The following UBQLN2 variants were observed in gnomAD, a reference collection of about 807,000 sequenced individuals.
The protein encoded by UBQLN2 is ubiquilin 2, also known as ubiquilin-2.
A neutral mutation model predicts 22.2 loss-of-function variants in UBQLN2; 2 were observed. The ratio of observed to expected loss-of-function variants is 0.09; its 90% CI spans 0.04 to 0.28. The LOEUF is 0.28. Among genes scored for constraint, UBQLN2 ranks in the 10% least tolerant of loss-of-function variants. UBQLN2 has a pLI of 1.00. For missense variants in UBQLN2, 446 were observed against 505.1 expected, an observed-to-expected ratio of 0.88 and a Z score of 1.12; for synonymous variants, 252 against 206.7, an observed-to-expected ratio of 1.22 and a Z score of -1.88.
At position 56,565,360 on chromosome X, in the gene UBQLN2, C is replaced by A; in HGVS notation, c.1487C>A (p.Thr496Asn). 1 of 1,204,728 alleles carries A rather than the reference C, an allele frequency of 8.3e-7. No individual in the cohort carries two copies. The highest frequency in any genetic ancestry group is 1.1e-6 in the Non-Finnish European group (1 of 891,657). The change falls in exon 1 of 1, where the codon ACC becomes AAC. Residue 496 changes from threonine to asparagine, a missense_variant. Physicochemically the swap from Thr to Asn is moderately conservative, Grantham distance 65. Transcript: ENST00000338222. ...GCTATAGGCCCTGTAGGCCCAGTCACCCCCATAGGCCCCATAGGCCCTATA... is the reference window on the plus strand; with the variant it reads ...GCTATAGGCCCTGTAGGCCCAGTCAACCCCATAGGCCCCATAGGCCCTATA... ...GTAIGPVGPVTPIGPIGPIVP... is the reference protein window; with the variant it reads ...GTAIGPVGPVNPIGPIGPIVP...
At position 56,564,248 on chromosome X, in the gene UBQLN2, G is replaced by A; in HGVS notation, c.375G>A (p.Ser125=). ...ATGCCGCGGGAACTAACACTACCTCGGCGTCGACTCCCAGGAGTAACTCCA... is the reference window on the plus strand; with the variant it reads ...ATGCCGCGGGAACTAACACTACCTCAGCGTCGACTCCCAGGAGTAACTCCA... ...PSNAAGTNTT[S]ASTPRSNSTP... The change falls in exon 1 of 1, where the codon TCG becomes TCA. Residue 125 remains serine, a synonymous_variant. Transcript: ENST00000338222. The A allele has an allele frequency of 2.5e-6, 3 of 1,211,081 alleles. No individual in the cohort carries two copies. Among genetic ancestry groups the A allele is most frequent in the Non-Finnish European group, 2.2e-6 (2 of 895,322 alleles).
Position 56,564,421 on chromosome X carries a change from T to A in UBQLN2, c.548T>A (p.Ile183Asn). Residue 183 changes from isoleucine to asparagine, a missense_variant, in exon 1 of 1, where the codon ATC becomes AAC. Ile to Asn is a moderately radical substitution (Grantham distance 149). Around this residue, in one of 3 missense-constraint regions of UBQLN2, gnomAD observed 129 missense variants for 198.1 expected, o/e 0.65. Transcript: ENST00000338222. The part of the protein sequence containing the change: ...QQLMASPEMM[I>N]QIMENPFVQS... ...CTTATGGCCAGCCCTGAGATGATGATCCAAATAATGGAAAATCCCTTTGTT... is the reference window on the plus strand; with the variant it reads ...CTTATGGCCAGCCCTGAGATGATGAACCAAATAATGGAAAATCCCTTTGTT... 8.3e-7 allele frequency: 1 copy of A among 1,211,477 alleles called. No individual in the cohort carries two copies. Among genetic ancestry groups the A allele is most frequent in the East Asian group, 3.0e-5 (1 of 33,810 alleles).
At position 56,565,128 on chromosome X, in the gene UBQLN2, A is replaced by G. The variant is rs896077077; in HGVS notation, c.1255A>G (p.Asn419Asp). 1.5e-5 allele frequency: 18 copies of G among 1,210,700 alleles called. No individual in the cohort carries two copies. The highest frequency in any genetic ancestry group is 1.9e-5 in the Non-Finnish European group (17 of 895,314). Residue 419 changes from asparagine to aspartate, a missense_variant, in exon 1 of 1, where the codon AAT becomes GAT. Coordinates refer to ENST00000338222, the MANE Select transcript of UBQLN2 (RefSeq NM_013444.4). ...MMLNSPLFTA[N>D]PQLQEQMRPQ... ...GCTGAATAGCCCGCTGTTTACTGCA[A>G]ATCCTCAGCTGCAGGAGCAGATGCG...
chrX:56,563,633 C>T lies in UBQLN2; in HGVS notation c.-241C>T. On this transcript the variant is annotated 5_prime_UTR_variant, in exon 1 of 1. Transcript: ENST00000338222. Reference sequence around the variant, plus strand: ...GAGTGCGCGCGGTCGGATCACAAGGCGGCGGCGGAGGAGGCCCAGAGACCG... The same window carrying T: ...GAGTGCGCGCGGTCGGATCACAAGGTGGCGGCGGAGGAGGCCCAGAGACCG... The T allele has an allele frequency of 3.0e-6, 1 of 334,665 alleles. No individual in the cohort carries two copies. The highest frequency in any genetic ancestry group is 2.7e-5 in the African/African-American group (1 of 36,859). 27.6% of individuals were successfully genotyped at this position (334,665 alleles called of 1,213,427 possible).
Position 56,565,923 on chromosome X carries a change from C to G in UBQLN2, c.*175C>G. The G allele has an allele frequency of 2.0e-6, 1 of 493,190 alleles. No homozygotes were observed. Among genetic ancestry groups the G allele is most frequent in the Non-Finnish European group, 3.5e-6 (1 of 286,175 alleles). 40.6% of individuals were successfully genotyped at this position (493,190 alleles called of 1,213,427 possible). A position where few individuals can be genotyped will look rare whatever the true frequency, so the allele number is the denominator to read the frequency against. ...GAGTCCCTCCCTCCTACTTCCCTCA[C>G]TCCCTTTCTCCTTTGCTTATTTTTC... On this transcript the variant is annotated 3_prime_UTR_variant, in exon 1 of 1. Transcript: ENST00000338222.
chrX:56,565,493 C>T lies in UBQLN2; in HGVS notation c.1620C>T (p.Ser540=), dbSNP rs752843186. The change falls in exon 1 of 1, where the codon AGC becomes AGT. Residue 540 remains serine (S), a synonymous_variant. Coordinates refer to ENST00000338222, the MANE Select transcript of UBQLN2 (RefSeq NM_013444.4). Reference sequence around the variant, plus strand: ...GCCCCACGGGGCCTACTGTGTCCAGCGCTGCACCTAGTGAAACCACGAGTC... The same window carrying T: ...GCCCCACGGGGCCTACTGTGTCCAGTGCTGCACCTAGTGAAACCACGAGTC... The part of the protein sequence containing the change: ...SGGPTGPTVS[S]AAPSETTSPT... 3.3e-6 allele frequency: 4 copies of T among 1,204,747 alleles called. No homozygotes were observed. The East Asian group carries it at 9.0e-5, about 27-fold the overall frequency.
rs1413346093 is a variant in UBQLN2, at chrX:56,563,630, A to AGGC, written c.-235_-233dup. The AGGC allele has an allele frequency of 3.0e-6, 1 of 334,494 alleles. No homozygotes were observed. The highest frequency in any genetic ancestry group is 5.1e-6 in the Non-Finnish European group (1 of 194,939). The allele number at this position is 334,494 out of a possible 1,213,427, so 27.6% of individuals were successfully genotyped here. A position where few individuals can be genotyped will look rare whatever the true frequency, so the allele number is the denominator to read the frequency against. On this transcript the variant is annotated 5_prime_UTR_variant, in exon 1 of 1. Coordinates refer to ENST00000338222, the MANE Select transcript of UBQLN2 (RefSeq NM_013444.4). ...TGGGAGTGCGCGCGGTCGGATCACA[A>AGGC]GGCGGCGGCGGAGGAGGCCCAGAGA... is the stretch of plus-strand genomic sequence containing the variant.
Position 56,563,779 on chromosome X carries a change from C to G in UBQLN2, c.-95C>G. Reference sequence around the variant, plus strand: ...CGCTCCCCGCCTGACCCGGCCCAGCCCGCTGCGGCGGTGCCTCCTTCCTTC... The same window carrying G: ...CGCTCCCCGCCTGACCCGGCCCAGCGCGCTGCGGCGGTGCCTCCTTCCTTC... On this transcript the variant is annotated 5_prime_UTR_variant, in exon 1 of 1. Coordinates refer to ENST00000338222, the MANE Select transcript of UBQLN2 (RefSeq NM_013444.4). 1 of 699,706 alleles carries G rather than the reference C, an allele frequency of 1.4e-6. No individual in the cohort carries two copies. The highest frequency in any genetic ancestry group is 2.1e-6 in the Non-Finnish European group (1 of 472,662). 57.7% of individuals were successfully genotyped at this position (699,706 alleles called of 1,213,427 possible).
rs1293533801 is a variant in UBQLN2, at chrX:56,565,587, G to A, written c.1714G>A (p.Ala572Thr). Reference sequence around the variant, plus strand: ...GGTGCAGGCCCTGGCTGGAGCAAATGCTCCACAGCTGCCGAATCCAGAAGT... The same window carrying A: ...GGTGCAGGCCCTGGCTGGAGCAAATACTCCACAGCTGCCGAATCCAGAAGT... Reference protein sequence around the residue: ...QMVQALAGANAPQLPNPEVRF... With the variant: ...QMVQALAGANTPQLPNPEVRF... Residue 572 changes from alanine (A) to threonine (T), a missense_variant, in exon 1 of 1, where the codon GCT (alanine) becomes ACT (threonine). Ala to Thr is a moderately conservative substitution (Grantham distance 58). Coordinates refer to ENST00000338222, the MANE Select transcript of UBQLN2 (RefSeq NM_013444.4). 8.3e-7 allele frequency: 1 copy of A among 1,210,677 alleles called. No homozygotes were observed. Among genetic ancestry groups the A allele is most frequent in the Non-Finnish European group, 1.1e-6 (1 of 895,370 alleles).
rs1204470999 is a variant in UBQLN2 at position 56,564,901 on chromosome X, G to A, written c.1028G>A (p.Gly343Asp). 5 of 1,208,991 alleles carry A rather than the reference G, an allele frequency of 4.1e-6. No individual in the cohort carries two copies. The highest frequency in any genetic ancestry group is 5.6e-6 in the Non-Finnish European group (5 of 894,851). Residue 343 changes from glycine to aspartate, a missense_variant, in exon 1 of 1, where the codon GGC becomes GAC. Around this residue, in one of 3 missense-constraint regions of UBQLN2, gnomAD observed 278 missense variants for 279.4 expected, o/e 1.00. Transcript: ENST00000338222. ...ACCACAAGCACTGGTAGTGGGTCTGGCAATAGTTCCAGCAATGCTACTGGG... is the reference window on the plus strand; with the variant it reads ...ACCACAAGCACTGGTAGTGGGTCTGACAATAGTTCCAGCAATGCTACTGGG... Reference protein sequence around the residue: ...STTTSTGSGSGNSSSNATGNT... With the variant: ...STTTSTGSGSDNSSSNATGNT...
Position 56,565,692 on chromosome X carries a change from A to T in UBQLN2, c.1819A>T (p.Thr607Ser). Residue 607 changes from threonine to serine, a missense_variant, in exon 1 of 1, where the codon ACA (threonine) becomes TCA (serine). By Grantham distance (58) the Thr-to-Ser change is moderately conservative. This residue lies in a region of UBQLN2 where 278 missense variants were observed against 279.4 expected (regional missense o/e 1.00). Transcript: ENST00000338222. Reference protein sequence around the residue: ...REANLQALIATGGDINAAIER... With the variant: ...REANLQALIASGGDINAAIER... ...AGCAAACTTGCAGGCCCTAATAGCAACAGGAGGCGACATCAATGCAGCCAT... is the reference window on the plus strand; with the variant it reads ...AGCAAACTTGCAGGCCCTAATAGCATCAGGAGGCGACATCAATGCAGCCAT... The T allele has an allele frequency of 8.3e-7, 1 of 1,211,569 alleles. No homozygotes were observed.
rs761726211 is a variant in UBQLN2, at chrX:56,564,861, G to T, written c.988G>T (p.Ala330Ser). 1.7e-6 allele frequency: 2 copies of T among 1,210,930 alleles called. No homozygotes were observed. The highest frequency in any genetic ancestry group is 2.2e-5 in the Admixed American group (1 of 45,967). The change falls in exon 1 of 1, where the codon GCA (alanine) becomes TCA (serine). Residue 330 changes from alanine to serine, a missense_variant. Transcript: ENST00000338222. The stretch of plus-strand genomic sequence containing the variant: ...ACCACCGCCAGCTACCCAGAGTTCT[G>T]CAACTACCAGCACGACCACAAGCAC... ...WAPPPATQSS[A>S]TTSTTTSTGS...
In UBQLN2 at chrX:56,565,827, C is replaced by G; in HGVS notation, c.*79C>G. 1.0e-6 allele frequency: 1 copy of G among 966,467 alleles called. No individual in the cohort carries two copies. The highest frequency in any genetic ancestry group is 2.6e-5 in the Admixed American group (1 of 38,174). The allele number at this position is 966,467 out of a possible 1,213,427, so 79.6% of individuals were successfully genotyped here. A position where few individuals can be genotyped will look rare whatever the true frequency, so the allele number is the denominator to read the frequency against. ...AAATCTTTAAACACACACACAAAAT[C>G]GTTCTTTACTTTCATTTTGATTCTT... On this transcript the variant is annotated 3_prime_UTR_variant, in exon 1 of 1. Coordinates refer to ENST00000338222, the MANE Select transcript of UBQLN2 (RefSeq NM_013444.4).
Position 56,565,817 on chromosome X carries a change from C to T in UBQLN2, c.*69C>T, listed in dbSNP as rs1429850732. 6 of 983,505 alleles carry T rather than the reference C, an allele frequency of 6.1e-6. No individual in the cohort carries two copies. In the African/African-American group the frequency reaches 1.1e-4, roughly 19 times the overall value. 81.1% of individuals were successfully genotyped at this position (983,505 alleles called of 1,213,427 possible). A position where few individuals can be genotyped will look rare whatever the true frequency, so the allele number is the denominator to read the frequency against. ...AATGGCTCTTAAATCTTTAAACACA[C>T]ACACAAAATCGTTCTTTACTTTCAT... is the stretch of plus-strand genomic sequence containing the variant. On this transcript the variant is annotated 3_prime_UTR_variant, in exon 1 of 1. Coordinates refer to ENST00000338222, the MANE Select transcript of UBQLN2 (RefSeq NM_013444.4).
Position 56,565,853 on chromosome X carries a change from T to C in UBQLN2, c.*105T>C. ...GTTCTTTACTTTCATTTTGATTCTT[T>C]TAAATCTGTCTAGTTGTAAGTCTAA... On this transcript the variant is annotated 3_prime_UTR_variant, in exon 1 of 1. Transcript: ENST00000338222. The C allele has an allele frequency of 1.2e-6, 1 of 849,295 alleles. No homozygotes were observed. Among genetic ancestry groups the C allele is most frequent in the East Asian group, 3.4e-5 (1 of 29,341 alleles). The allele number at this position is 849,295 out of a possible 1,213,427, so 70.0% of individuals were successfully genotyped here.
chrX:56,564,934 TTGCTGCC>T lies in UBQLN2; in HGVS notation c.1062_1068del (p.Ala355LeufsTer20). The T allele has an allele frequency of 8.3e-7, 1 of 1,211,248 alleles. No individual in the cohort carries two copies. On this transcript the variant is annotated frameshift_variant, in exon 1 of 1. Coordinates refer to ENST00000338222, the MANE Select transcript of UBQLN2 (RefSeq NM_013444.4). LOFTEE classifies it high-confidence loss of function. ...TCCAGCAATGCTACTGGGAACACCG[TTGCTGCC>T]GCTAATTATGTCGCCAGCATCTTTA...
chrX:56,565,901 T>C lies in UBQLN2; in HGVS notation c.*153T>C, dbSNP rs2068640265. ...TAATATGATGCATTTTAAGATGGAGTCCCTCCCTCCTACTTCCCTCACTCC... is the reference window on the plus strand; with the variant it reads ...TAATATGATGCATTTTAAGATGGAGCCCCTCCCTCCTACTTCCCTCACTCC... On this transcript the variant is annotated 3_prime_UTR_variant, in exon 1 of 1. Coordinates refer to ENST00000338222, the MANE Select transcript of UBQLN2 (RefSeq NM_013444.4). 1.8e-6 allele frequency: 1 copy of C among 569,098 alleles called. No individual in the cohort carries two copies. The highest frequency in any genetic ancestry group is 2.9e-6 in the Non-Finnish European group (1 of 347,373). The allele number at this position is 569,098 out of a possible 1,213,427, so 46.9% of individuals were successfully genotyped here. A position where few individuals can be genotyped will look rare whatever the true frequency, so the allele number is the denominator to read the frequency against.
In UBQLN2 at chrX:56,565,201, T is replaced by A; in HGVS notation, c.1328T>A (p.Leu443Gln). 5 of 1,211,705 alleles carry A rather than the reference T, an allele frequency of 4.1e-6. No homozygotes were observed. The highest frequency in any genetic ancestry group is 5.6e-6 in the Non-Finnish European group (5 of 895,404). Reference protein sequence around the residue: ...FLQQMQNPDTLSAMSNPRAMQ... With the variant: ...FLQQMQNPDTQSAMSNPRAMQ... The stretch of plus-strand genomic sequence containing the variant: ...CAGCAGATGCAGAATCCAGACACAC[T>A]ATCAGCCATGTCAAACCCAAGAGCA... The change falls in exon 1 of 1, where the codon CTA becomes CAA. Residue 443 changes from leucine (L) to glutamine (Q), a missense_variant. Transcript: ENST00000338222.
chrX:56,563,768 C>T lies in UBQLN2; in HGVS notation c.-106C>T. 5 of 625,211 alleles carry T rather than the reference C, an allele frequency of 8.0e-6. No individual in the cohort carries two copies. In the South Asian group the frequency reaches 1.4e-4, roughly 18 times the overall value. 51.5% of individuals were successfully genotyped at this position (625,211 alleles called of 1,213,427 possible). On this transcript the variant is annotated 5_prime_UTR_variant, in exon 1 of 1. Coordinates refer to ENST00000338222, the MANE Select transcript of UBQLN2 (RefSeq NM_013444.4). ...ACCGTGCTCCGCGCTCCCCGCCTGA[C>T]CCGGCCCAGCCCGCTGCGGCGGTGC...
Sources: allele counts gnomAD v4.1 joint callset, GRCh38; gene constraint gnomAD v4.1.1; regional missense constraint gnomAD v4.1.1; transcripts MANE v1.5; gene names NCBI Gene and HGNC (gene_info 2026-07-23, HGNC 2026-07-21).